The following STXBP4 variants were observed in gnomAD, a reference collection of about 807,000 sequenced individuals.
STXBP4 encodes syntaxin-binding protein 4.
A neutral mutation model predicts 76.1 loss-of-function variants in STXBP4; 55 were observed. The observed-to-expected ratio is 0.72, with a 90% CI of 0.58 to 0.91. STXBP4 has a LOEUF of 0.91. Among genes scored for constraint, STXBP4 ranks in the 40% least tolerant of loss-of-function variants. The pLI is 0.00. For synonymous variants in STXBP4, 201 were observed against 220.2 expected (o/e 0.91, Z 0.77); for missense variants, 618 against 636.9 (o/e 0.97, Z 0.32).
At chr17:54,986,095 G>T (rs1168886651) in intron 2 of STXBP4, 47 bp from the exon 3 acceptor site, 2 of 780,044 alleles carry the variant, frequency 2.6e-6, no homozygotes, top group Non-Finnish European at 4.3e-6. Context: ...AATCAAATTT[G>T]ACAGTTCTAA....
At chr17:55,015,374 T>C (rs1034977386) in intron 8 of STXBP4, among the ~76,000 whole-genome samples, 2 of 152,220 alleles carry the variant, frequency 1.3e-5, no homozygotes, top group African/African-American at 4.8e-5. Context: ...TCTGTTGTCA[T>C]CCTATCATTG....
intron 12 of STXBP4, among the ~76,000 whole-genome samples, chr17:55,050,100 GAA>G (rs1169399150): frequency 1.3e-5 from 2 of 151,892 alleles, no homozygotes; most frequent in Non-Finnish European, 2.9e-5. Context: ...ACTTGGAAAA[GAA>G]AAAATAAAAC....
intron 1 of STXBP4, 101 bp from the exon 2 acceptor site, chr17:54,985,513 T>C (rs2077614398): frequency 6.6e-6 from 1 of 152,216 alleles, no homozygotes; most frequent in African/African-American, 2.4e-5. Flanking sequence ...TAAATCTCTG[T>C]TCAAATACAG....
rs116234524 is a variant in STXBP4, at chr17:55,027,477, G to A, written c.667-3691G>A. Among the ~76,000 whole-genome samples the A allele has an allele frequency of 2.8e-3, 420 of 152,234 alleles. 3 individuals carry two copies. The highest frequency in any genetic ancestry group is 9.7e-3 in the African/African-American group (401 of 41,540). The stretch of plus-strand genomic sequence containing the variant: ...ATTGAGTACAGTGAACACTACTCGG[G>A]TAAACAGGTAAACTAAAATCTCAGA... On this transcript the variant is annotated intron_variant, in intron 8 of 17. Transcript: ENST00000376352.
chr17:55,019,861 G>T (rs542464440), intron 8 of STXBP4, among the ~76,000 whole-genome samples: 1 of 152,062 alleles, frequency 6.6e-6, no homozygotes, highest in African/African-American at 2.4e-5. Flanking sequence ...GGTTTCTGTT[G>T]TTGCTGTTTT....
At chr17:55,033,393 A>T (rs1007132836) in intron 9 of STXBP4, among the ~76,000 whole-genome samples, 14 of 151,892 alleles carry the variant, frequency 9.2e-5, no homozygotes, top group Admixed American at 4.6e-4. Context: ...ATAAATAAAT[A>T]AAATAAAATA....
chr17:55,088,239 T>C (rs2079364082), intron 16 of STXBP4, among the ~76,000 whole-genome samples: 1 of 152,218 alleles, frequency 6.6e-6, no homozygotes, highest in Admixed American at 6.5e-5. Context: ...ATTTTCTTTC[T>C]TTGCCTTGGC....
intron 16 of STXBP4, among the ~76,000 whole-genome samples, chr17:55,089,290 G>A (rs1484769): frequency 0.79 from 119,891 of 152,106 alleles, 47,817 homozygotes; most frequent in African/African-American, 0.9. Flanking sequence ...CTTTCTCGCT[G>A]TGGTAGGTAT....
In STXBP4 at chr17:55,036,031, GCT is replaced by G. The variant is rs778179031; in HGVS notation, c.855+1777_855+1778del. Among the ~76,000 whole-genome samples, 3 of 151,908 alleles carry G rather than the reference GCT, an allele frequency of 2.0e-5. 1 individual carries two copies. Among genetic ancestry groups the G allele is most frequent in the East Asian group, 1.9e-4 (1 of 5,178 alleles). ...TTTATAGTGAGAACACTTAAAATCT[GCT>G]CTCTTAGCAATTTTCAAAATGCAAT... On this transcript the variant is annotated intron_variant, in intron 10 of 17. Transcript: ENST00000376352.
intron 12 of STXBP4, among the ~76,000 whole-genome samples, chr17:55,072,220 G>T (rs1207143795): frequency 6.6e-6 from 1 of 152,126 alleles, no homozygotes; most frequent in East Asian, 1.9e-4. Context: ...CTCTGAGTCT[G>T]TTTGCTTATG....
chr17:55,085,449 A>T (rs1210790491), intron 16 of STXBP4, among the ~76,000 whole-genome samples: 1 of 152,112 alleles, frequency 6.6e-6, no homozygotes, highest in East Asian at 1.9e-4. Context: ...CCATTAATAT[A>T]TGGCATATTA....
At chr17:55,082,132 T>C (rs1384034843) in intron 16 of STXBP4, among the ~76,000 whole-genome samples, 1 of 152,198 alleles carries the variant, frequency 6.6e-6, no homozygotes, top group Non-Finnish European at 1.5e-5. Flanking sequence ...AAATTATATA[T>C]ATTTCAAAAC....
intron 4 of STXBP4, among the ~76,000 whole-genome samples, chr17:54,995,324 T>C (rs922096410): frequency 2.6e-5 from 4 of 152,328 alleles, no homozygotes; most frequent in Admixed American, 1.3e-4. Flanking sequence ...TTTAAAGTTC[T>C]CAAATGTTCA....
chr17:55,023,916 C>CAAA (rs61454264), intron 8 of STXBP4, among the ~76,000 whole-genome samples: 39 of 62,234 alleles, frequency 6.3e-4, no homozygotes, highest in African/African-American at 2.3e-3. Flanking sequence ...GGCCCTTTTC[C>CAAA]AAAAAAAAAA....
the STXBP4 span, among the ~76,000 whole-genome samples, chr17:55,212,189 C>A: frequency 2.0e-5 from 3 of 152,060 alleles, no homozygotes; most frequent in African/African-American, 4.8e-5. Context: ...AATCTACTGT[C>A]TGCTATTTTC....
chr17:55,105,594 C>G (rs1354092658), intron 16 of STXBP4, among the ~76,000 whole-genome samples: 2 of 151,664 alleles, frequency 1.3e-5, no homozygotes, highest in Admixed American at 1.3e-4. Context: ...CTCAGCCTCC[C>G]AAGTAGCTGG....
chr17:54,991,782 T>G (rs2077721047), intron 4 of STXBP4: 1 of 150,608 alleles, frequency 6.6e-6, no homozygotes, highest in Admixed American at 6.6e-5. Context: ...TTTGGAGAGA[T>G]ATCAAATGTA....
the STXBP4 span, among the ~76,000 whole-genome samples, chr17:55,179,594 C>G: frequency 6.6e-6 from 1 of 152,124 alleles, no homozygotes; most frequent in Non-Finnish European, 1.5e-5. Flanking sequence ...CTTCTGCTAC[C>G]CATGAGATAG....
intron 12 of STXBP4, among the ~76,000 whole-genome samples, chr17:55,052,006 C>CA (rs992866766): frequency 7.9e-5 from 12 of 151,190 alleles, no homozygotes; most frequent in African/African-American, 1.7e-4. Flanking sequence ...ATTATAAAGT[C>CA]AAAAAAAACA....
Sources: gnomAD v4.1 joint callset for allele counts (sites outside exome capture counted in the v4.1 genomes callset) on GRCh38, gnomAD v4.1.1 for gene constraint, MANE v1.5 for transcripts, NCBI Gene and HGNC (gene_info 2026-07-23, HGNC 2026-07-21) for gene names.